The following KLHL4 variants were observed in gnomAD, a reference collection of about 807,000 sequenced individuals.
KLHL4 encodes kelch-like protein 4.
A neutral mutation model predicts 45.8 loss-of-function variants in KLHL4; 17 were observed. That is an observed-to-expected ratio of 0.37 (90% CI 0.25 to 0.56). KLHL4 has a LOEUF of 0.56. Ranked by LOEUF, KLHL4 falls within the 20% of genes least tolerant of loss-of-function variation. The probability of loss-of-function intolerance (pLI) is 0.79; values close to 1 mark genes in which losing one functional copy is unlikely to be tolerated. For missense variants in KLHL4, 544 were observed against 544.9 expected (o/e 1.00, Z 0.02); for synonymous variants, 224 against 189.9 (o/e 1.18, Z -1.47).
intron 9 of KLHL4, among the ~76,000 whole-genome samples, chrX:87,650,603 A>C (rs762214191): frequency 2.7e-5 from 3 of 112,499 alleles, no homozygotes; most frequent in Non-Finnish European, 3.7e-5. Flanking sequence ...AATACTTTAC[A>C]TTAAGTATGA....
intron 1 of KLHL4, among the ~76,000 whole-genome samples, chrX:87,578,093 G>A (rs1034877880): frequency 9.0e-6 from 1 of 110,984 alleles, no homozygotes; most frequent in Non-Finnish European, 1.9e-5. Flanking sequence ...TACAATACCT[G>A]TATTTAAATA....
chrX:87,554,456 A>G (rs1161555199), intron 1 of KLHL4, among the ~76,000 whole-genome samples: 3 of 90,569 alleles, frequency 3.3e-5, no homozygotes, highest in Non-Finnish European at 6.3e-5. Context: ...TTGGATTCCT[A>G]GGTATTTTAT....
chrX:87,668,770 T>C lies in KLHL4; in HGVS notation c.*2236T>C, dbSNP rs777687997. 6.6e-6 allele frequency: 1 copy of C among 151,861 alleles called. No homozygotes were observed. Among genetic ancestry groups the C allele is most frequent in the Non-Finnish European group, 1.1e-5 (1 of 90,163 alleles). 12.5% of individuals were successfully genotyped at this position (151,861 alleles called of 1,213,427 possible). ...TGTCCCCTGGTCATGTGATGCTATGTGTTACCTTGGGACTTACCTGACAGC... is the reference window on the plus strand; with the variant it reads ...TGTCCCCTGGTCATGTGATGCTATGCGTTACCTTGGGACTTACCTGACAGC... On this transcript the variant is annotated 3_prime_UTR_variant, in exon 11 of 11. Coordinates refer to ENST00000373119, the MANE Select transcript of KLHL4 (RefSeq NM_019117.5).
chrX:87,655,798 G>T (rs773425906), intron 9 of KLHL4, among the ~76,000 whole-genome samples: 1 of 111,722 alleles, frequency 9.0e-6, no homozygotes, highest in Non-Finnish European at 1.9e-5. Context: ...TATACTTTCA[G>T]ATGTTTTTAT....
At chrX:87,652,822 C>T (rs1414082167) in intron 9 of KLHL4, among the ~76,000 whole-genome samples, 1 of 111,895 alleles carries the variant, frequency 8.9e-6, no homozygotes, top group African/African-American at 3.2e-5. Context: ...TCAGCAGTGC[C>T]CCACTCTACT....
chrX:87,533,576 G>T (rs1379676776), intron 1 of KLHL4, among the ~76,000 whole-genome samples: 2 of 101,920 alleles, frequency 2.0e-5, no homozygotes, highest in African/African-American at 7.2e-5. Flanking sequence ...AGGGGGGAGG[G>T]ATAGCATTAG....
Position 87,667,634 on chromosome X carries a change from G to A in KLHL4, c.*1100G>A. 1.7e-6 allele frequency: 1 copy of A among 572,636 alleles called. No individual in the cohort carries two copies. 47.2% of individuals were successfully genotyped at this position (572,636 alleles called of 1,213,427 possible). On this transcript the variant is annotated 3_prime_UTR_variant, in exon 11 of 11. Transcript: ENST00000373119. ...TGTTAAGTTTTAAAATAACAAAAAT[G>A]GCTAGTTGAATAGTATTTTATGTGT...
At chrX:87,536,349 T>C (rs1340860129) in intron 1 of KLHL4, among the ~76,000 whole-genome samples, 1 of 111,291 alleles carries the variant, frequency 9.0e-6, no homozygotes, top group Non-Finnish European at 1.9e-5. Context: ...AAAGTTACCT[T>C]GCAATTTTTC....
At chrX:87,570,499 T>G (rs1932314401) in intron 1 of KLHL4, among the ~76,000 whole-genome samples, 1 of 110,291 alleles carries the variant, frequency 9.1e-6, no homozygotes, top group South Asian at 3.8e-4. Flanking sequence ...CATGAACAAT[T>G]TTTAGACTGA....
intron 1 of KLHL4, among the ~76,000 whole-genome samples, chrX:87,586,001 TAAGACA>T (rs1021987737): frequency 9.0e-5 from 10 of 111,454 alleles, no homozygotes; most frequent in African/African-American, 1.6e-4. Flanking sequence ...AAATATAATT[TAAGACA>T]AAAACTATAA....
At chrX:87,551,803 A>G (rs1011048120) in intron 1 of KLHL4, among the ~76,000 whole-genome samples, 1 of 111,773 alleles carries the variant, frequency 8.9e-6, no homozygotes, top group Non-Finnish European at 1.9e-5. Context: ...AAAGTGGGGA[A>G]GGGACACCCT....
intron 1 of KLHL4, among the ~76,000 whole-genome samples, chrX:87,576,832 A>G (rs1393362338): frequency 8.9e-6 from 1 of 111,823 alleles, no homozygotes; most frequent in African/African-American, 3.2e-5. Context: ...AGATATGGAT[A>G]TACTTTTATT....
At chrX:87,582,657 G>A (rs889012041) in intron 1 of KLHL4, among the ~76,000 whole-genome samples, 19 of 112,095 alleles carry the variant, frequency 1.7e-4, no homozygotes, top group Non-Finnish European at 3.4e-4. Context: ...TGCAGAACTA[G>A]GCCAAGATAA....
chrX:87,581,071 T>A (rs1300491644), intron 1 of KLHL4, among the ~76,000 whole-genome samples: 1 of 112,516 alleles, frequency 8.9e-6, no homozygotes, highest in Non-Finnish European at 1.9e-5. Flanking sequence ...AGTTGGTTCA[T>A]CAGCATGACA....
In KLHL4 at chrX:87,536,679, A is replaced by G. The variant is rs188436154; in HGVS notation, c.422+18364A>G. Reference sequence around the variant, plus strand: ...TAAAATAATTTTCGTTTGCCATTCTAGCATAGCATAAAAGTTTACAGGGCT... The same window carrying G: ...TAAAATAATTTTCGTTTGCCATTCTGGCATAGCATAAAAGTTTACAGGGCT... On this transcript the variant is annotated intron_variant, in intron 1 of 10. Coordinates refer to ENST00000373119, the MANE Select transcript of KLHL4 (RefSeq NM_019117.5). Among the ~76,000 whole-genome samples, 5 of 110,855 alleles carry G rather than the reference A, an allele frequency of 4.5e-5. No homozygotes were observed. In the East Asian group the frequency reaches 1.4e-3, roughly 31 times the overall value.
intron 1 of KLHL4, among the ~76,000 whole-genome samples, chrX:87,601,401 G>A (rs994776962): frequency 9.0e-6 from 1 of 111,351 alleles, no homozygotes; most frequent in Non-Finnish European, 1.9e-5. Flanking sequence ...CAGCATGAGG[G>A]GCCACGTGCA....
chrX:87,539,905 C>T (rs947318502), intron 1 of KLHL4, among the ~76,000 whole-genome samples: 1 of 110,831 alleles, frequency 9.0e-6, no homozygotes, highest in East Asian at 2.8e-4. Context: ...ATTTTGTCTT[C>T]GTCTGAACAT....
chrX:87,633,462 T>A (rs1476781357), intron 7 of KLHL4, among the ~76,000 whole-genome samples: 9 of 111,661 alleles, frequency 8.1e-5, no homozygotes, highest in Non-Finnish European at 1.7e-4. Context: ...GCCAGCTTTT[T>A]AAATTACATA....
rs187637707 is a variant in KLHL4, at chrX:87,541,969, A to C, written c.422+23654A>C. Among the ~76,000 whole-genome samples, 15 of 112,237 alleles carry C rather than the reference A, an allele frequency of 1.3e-4. No individual in the cohort carries two copies. In the East Asian group the frequency reaches 3.9e-3, roughly 30 times the overall value. ...AGAGATGCGGAACTCATTGGGAACT[A>C]GAGCCAAATTCAAGCTTGCTGTGCT... On this transcript the variant is annotated intron_variant, in intron 1 of 10. Transcript: ENST00000373119.
Sources: allele counts gnomAD v4.1 joint callset (sites outside exome capture counted in the v4.1 genomes callset), GRCh38; gene constraint gnomAD v4.1.1; transcripts MANE v1.5; gene names NCBI Gene and HGNC (gene_info 2026-07-23, HGNC 2026-07-21).